The following TMEM236 variants were observed in gnomAD, a reference collection of about 807,000 sequenced individuals.
TMEM236 encodes the protein family with sequence similarity 23, member A.
Under a neutral mutation model 14.7 loss-of-function variants are expected in TMEM236, and 11 were observed. That is an observed-to-expected ratio of 0.75 (90% CI 0.47 to 1.24). The LOEUF is 1.24. TMEM236 is among the 50% of genes most tolerant of loss of function. The pLI is 0.00. For synonymous variants in TMEM236, 182 were observed against 168.6 expected (o/e 1.08, Z -0.62); for missense variants, 464 against 427.3 (o/e 1.09, Z -0.76).
intron 2 of TMEM236, among the ~76,000 whole-genome samples, chr10:17,773,221 A>G (rs1367953617): frequency 1.3e-5 from 2 of 152,190 alleles, no homozygotes; most frequent in African/African-American, 4.8e-5. Context: ...GAGATATTGA[A>G]ATGTTAAATT....
chr10:17,760,196 C>T (rs1837340272), intron 1 of TMEM236, among the ~76,000 whole-genome samples: 1 of 152,142 alleles, frequency 6.6e-6, no homozygotes, highest in Non-Finnish European at 1.5e-5. Context: ...AACACTGCTG[C>T]TTACCAGTTA....
At chr10:17,773,891 T>C (rs1589146259) in intron 2 of TMEM236, among the ~76,000 whole-genome samples, 1 of 152,242 alleles carries the variant, frequency 6.6e-6, no homozygotes, top group Non-Finnish European at 1.5e-5. Context: ...ATCTTTTTGA[T>C]GAAAAGAAGT....
intron 3 of TMEM236, among the ~76,000 whole-genome samples, chr10:17,788,653 C>G (rs1837875349): frequency 6.6e-6 from 1 of 151,696 alleles, no homozygotes; most frequent in African/African-American, 2.4e-5. Flanking sequence ...GTTGTGTCCT[C>G]TGACAAAATA....
chr10:17,774,798 T>TTCTCTCTCTCTCTCTCTC (rs781848506), intron 2 of TMEM236, among the ~76,000 whole-genome samples: 193 of 142,152 alleles, frequency 1.4e-3, no homozygotes, highest in Middle Eastern at 0.011. Flanking sequence ...CCTACCTCCT[T>TTCTCTCTCTCTCTCTCTC]TCTCTCTCTC....
chr10:17,787,155 A>G (rs1485563298), intron 3 of TMEM236, among the ~76,000 whole-genome samples: 3 of 152,130 alleles, frequency 2.0e-5, no homozygotes, highest in Non-Finnish European at 1.5e-5. Flanking sequence ...CCCTGACGCT[A>G]CTGGTGCCTG....
chr10:17,777,072 C>T (rs1837669123), intron 3 of TMEM236, among the ~76,000 whole-genome samples: 1 of 152,078 alleles, frequency 6.6e-6, no homozygotes, highest in Non-Finnish European at 1.5e-5. Flanking sequence ...CTGAGTGAGC[C>T]TCAGGAGACA....
Position 17,798,502 on chromosome 10 carries a change from G to A in TMEM236, c.*1998G>A. 1 of 526,366 alleles carries A rather than the reference G, an allele frequency of 1.9e-6. No homozygotes were observed. The highest frequency in any genetic ancestry group is 5.7e-5 in the East Asian group (1 of 17,628). The allele number at this position is 526,366 out of a possible 1,614,324, so 32.6% of individuals were successfully genotyped here. ...TACAGTGAGCTATGATCATGCCACT[G>A]CACTCCAGACTGGGCAACAGAGTGA... is the stretch of plus-strand genomic sequence containing the variant. On this transcript the variant is annotated 3_prime_UTR_variant, in exon 4 of 4. Transcript: ENST00000377495.
At chr10:17,757,984 G>C (rs1350662000) in intron 1 of TMEM236, among the ~76,000 whole-genome samples, 1 of 152,048 alleles carries the variant, frequency 6.6e-6, no homozygotes, top group East Asian at 1.9e-4. Flanking sequence ...GGCCAGGCTA[G>C]TCTCCAACTC....
At chr10:17,758,006 T>C (rs1837307260) in intron 1 of TMEM236, among the ~76,000 whole-genome samples, 1 of 152,144 alleles carries the variant, frequency 6.6e-6, no homozygotes, top group Non-Finnish European at 1.5e-5. Flanking sequence ...TGACCTCAAG[T>C]GATCCGCCCA....
chr10:17,781,217 T>C (rs996807386), intron 3 of TMEM236, among the ~76,000 whole-genome samples: 1 of 152,308 alleles, frequency 6.6e-6, no homozygotes, highest in African/African-American at 2.4e-5. Context: ...TAGAAAATGA[T>C]TTGGGAGTGC....
intron 1 of TMEM236, among the ~76,000 whole-genome samples, chr10:17,759,853 C>T (rs1019026097): frequency 3.3e-5 from 5 of 151,726 alleles, no homozygotes; most frequent in African/African-American, 4.8e-5. Flanking sequence ...TGGTGGTGGA[C>T]GCCTGTATAG....
chr10:17,775,972 A>G, intron 2 of TMEM236, 57 bp from the exon 3 acceptor site: 1 of 1,602,694 alleles, frequency 6.2e-7, no homozygotes, highest in South Asian at 1.1e-5. Flanking sequence ...TATTGAAAGC[A>G]TTTTGAGCAA....
At position 17,756,031 on chromosome 10, in the gene TMEM236, C is replaced by G. The variant is rs1837279368; in HGVS notation, c.257+3479C>G. On this transcript the variant is annotated intron_variant, in intron 1 of 3. Coordinates refer to ENST00000377495, the MANE Select transcript of TMEM236 (RefSeq NM_001098844.3). The stretch of plus-strand genomic sequence containing the variant: ...CCTTTAATCCCAACACTTTGGGAGG[C>G]CAAGGTGGGAGGATTGATTGAAGCC... 2.0e-5 allele frequency among the ~76,000 whole-genome samples: 3 copies of G among 152,246 alleles called. No individual in the cohort carries two copies. The South Asian group carries it at 6.2e-4, about 32-fold the overall frequency.
Position 17,762,197 on chromosome 10 carries a change from C to A in TMEM236, c.258-9112C>A, listed in dbSNP as rs1267370676. On this transcript the variant is annotated intron_variant, in intron 1 of 3. Coordinates refer to ENST00000377495, the MANE Select transcript of TMEM236 (RefSeq NM_001098844.3). ...TTTTTGCAACATTTGAAGGCAGTGG[C>A]ATCATTCTGCCATCTCAACCACGCC... Among the ~76,000 whole-genome samples, 17 of 152,238 alleles carry A rather than the reference C, an allele frequency of 1.1e-4. No individual in the cohort carries two copies. The South Asian group carries it at 3.5e-3, about 32-fold the overall frequency.
chr10:17,777,095 C>T (rs1257735392), intron 3 of TMEM236, among the ~76,000 whole-genome samples: 3 of 152,076 alleles, frequency 2.0e-5, no homozygotes, highest in East Asian at 1.9e-4. Flanking sequence ...TTCAGAGTGA[C>T]GGGGTCACCA....
At chr10:17,788,339 C>T (rs1257641580) in intron 3 of TMEM236, among the ~76,000 whole-genome samples, 3 of 151,312 alleles carry the variant, frequency 2.0e-5, no homozygotes, top group Non-Finnish European at 4.4e-5. Flanking sequence ...TAGATTGGAA[C>T]ATTTTTTCAA....
intron 3 of TMEM236, among the ~76,000 whole-genome samples, chr10:17,788,189 A>T (rs1427335880): frequency 2.7e-5 from 4 of 150,628 alleles, no homozygotes; most frequent in Non-Finnish European, 4.4e-5. Context: ...CTAGAAATAT[A>T]TATCATTATA....
At chr10:17,769,981 C>T (rs1416311352) in intron 1 of TMEM236, among the ~76,000 whole-genome samples, 3 of 152,078 alleles carry the variant, frequency 2.0e-5, no homozygotes, top group Non-Finnish European at 2.9e-5. Context: ...CAACCCTTGA[C>T]CCCTTTCCAC....
chr10:17,783,354 C>T (rs1837785527), intron 3 of TMEM236, among the ~76,000 whole-genome samples: 1 of 152,126 alleles, frequency 6.6e-6, no homozygotes, highest in Non-Finnish European at 1.5e-5. Flanking sequence ...GCCGCATGGT[C>T]AGAGATGGCT....
Sources: allele counts gnomAD v4.1 joint callset (sites outside exome capture counted in the v4.1 genomes callset), GRCh38; gene constraint gnomAD v4.1.1; transcripts MANE v1.5; gene names NCBI Gene and HGNC (gene_info 2026-07-23, HGNC 2026-07-21).